Variants in AXIN2 observed in about 807,000 individuals in gnomAD.
The protein encoded by AXIN2 is axin 2.
A neutral mutation model predicts 74.7 loss-of-function variants in AXIN2; 21 were observed. The ratio of observed to expected loss-of-function variants is 0.28; its 90% confidence interval spans 0.20 to 0.40. The LOEUF (loss-of-function observed/expected upper bound fraction) is 0.40. AXIN2 is among the 10% of genes least tolerant of loss of function. AXIN2 has a pLI of 1.00. For missense variants in AXIN2, 1,144 were observed against 1,111.1 expected (o/e 1.03, Z -0.42); for synonymous variants, 532 against 454.9 (o/e 1.17, Z -2.16).
At chr17:65,550,478 TCTC>T (rs1213623421) in intron 2 of AXIN2, among the ~76,000 whole-genome samples, 3 of 152,074 alleles carry the variant, frequency 2.0e-5, no homozygotes, top group African/African-American at 7.2e-5. Flanking sequence ...AGTGTGCACA[TCTC>T]CTGCTGGGCC....
At chr17:65,538,172 G>T in intron 5 of AXIN2, 31 bp downstream of exon 5, 1 of 1,613,928 alleles carries the variant, frequency 6.2e-7, no homozygotes, top group Non-Finnish European at 8.5e-7. Context: ...CGCCGTGGAC[G>T]GAAGCAGGAA....
At position 65,538,667 on chromosome 17, in the gene AXIN2, C is replaced by CAAAAAAAAAAAAAAAAAAAAAAA. The variant is rs775428814; in HGVS notation, c.1060-347_1060-325dup. On this transcript the variant is annotated intron_variant, in intron 4 of 10. Coordinates refer to ENST00000307078, the MANE Select transcript of AXIN2 (RefSeq NM_004655.4). Reference sequence around the variant, plus strand: ...ATCTTCAAAGACTGTTGTCAACCATCAAAAAAAAAAAAAAAAAAAAAAAAA... The same window carrying CAAAAAAAAAAAAAAAAAAAAAAA: ...ATCTTCAAAGACTGTTGTCAACCATCAAAAAAAAAAAAAAAAAAAAAAAAAAAAAAAAAAAAAAAAAAAAAAAA... Among the ~76,000 whole-genome samples the CAAAAAAAAAAAAAAAAAAAAAAA allele has an allele frequency of 1.5e-3, 52 of 35,828 alleles. 26 individuals are homozygous for CAAAAAAAAAAAAAAAAAAAAAAA. Among genetic ancestry groups the CAAAAAAAAAAAAAAAAAAAAAAA allele is most frequent in the East Asian group, 6.4e-3 (6 of 944 alleles). The allele number at this position is 35,828 out of a possible 152,430, so 23.5% of individuals were successfully genotyped here.
At chr17:65,536,829 C>G (rs1044659084) in intron 7 of AXIN2, 40 bp downstream of exon 7, 2 of 1,611,522 alleles carry the variant, frequency 1.2e-6, no homozygotes, top group African/African-American at 2.7e-5. Flanking sequence ...ACTGAGTGCC[C>G]ATGACCCTCG....
chr17:65,552,334 T>TGGGGACAGGCTGTGAAATCACCC (rs1476120835), intron 2 of AXIN2, among the ~76,000 whole-genome samples: 1 of 152,076 alleles, frequency 6.6e-6, no homozygotes, highest in East Asian at 1.9e-4. Context: ...ATAAAGTAGG[T>TGGGGACAGGCTGTGAAATCACCC]GGGGACAGGC....
At position 65,533,908 on chromosome 17, in the gene AXIN2, T is replaced by C. The variant is rs377423720; in HGVS notation, c.2405+4A>G. On this transcript the variant is annotated splice_donor_region_variant and intron_variant, in intron 10 of 10. Transcript: ENST00000307078. ...AGAGCAGAAAAAAGCCACAGGACTC[T>C]TACCTATAATTTCCCTTTTTGCTGA... The C allele has an allele frequency of 9.9e-5, 156 of 1,581,852 alleles. No individual in the cohort carries two copies. The highest frequency in any genetic ancestry group is 1.3e-4 in the Non-Finnish European group (150 of 1,158,756).
At chr17:65,532,382 C>T (rs1384368314) in intron 10 of AXIN2, among the ~76,000 whole-genome samples, 1 of 152,226 alleles carries the variant, frequency 6.6e-6, no homozygotes, top group Non-Finnish European at 1.5e-5. Context: ...GAGGGACACA[C>T]TTGTGTCATT....
chr17:65,531,964 A>AT (rs1267846256), intron 10 of AXIN2, among the ~76,000 whole-genome samples: 1 of 151,978 alleles, frequency 6.6e-6, no homozygotes, highest in Non-Finnish European at 1.5e-5. Flanking sequence ...ATTTGTACAA[A>AT]TTGAGATGTT....
rs73346297 is a variant in AXIN2 at position 65,537,463 on chromosome 17, G to C, written c.1573C>G (p.Pro525Ala). 2,479 of 1,613,936 alleles carry C rather than the reference G, an allele frequency of 1.5e-3. 41 individuals carry two copies. The African/African-American group carries it at 0.029, about 19-fold the overall frequency. ...GCCTCGATCTCCTCCTTGGTCTTGGGGACGGCATGGTGGTGGATGTAGTGG... is the reference window on the plus strand; with the variant it reads ...GCCTCGATCTCCTCCTTGGTCTTGGCGACGGCATGGTGGTGGATGTAGTGG... ...HHHYIHHHAVPKTKEEIEAEA... is the reference protein window; with the variant it reads ...HHHYIHHHAVAKTKEEIEAEA... The change falls in exon 6 of 11, where the codon CCC (proline) becomes GCC (alanine). Residue 525 changes from proline to alanine, a missense_variant. Pro to Ala is a conservative substitution (Grantham distance 27). Transcript: ENST00000307078.
Position 65,529,496 on chromosome 17 carries a change from G to A in AXIN2, c.*480C>T, listed in dbSNP as rs2043781434. The A allele has an allele frequency of 3.3e-6, 1 of 306,440 alleles. No individual in the cohort carries two copies. Among genetic ancestry groups the A allele is most frequent in the South Asian group, 6.2e-5 (1 of 16,088 alleles). 19.0% of individuals were successfully genotyped at this position (306,440 alleles called of 1,614,324 possible). ...TGAAGAAACCATGAACGCACTCCTA[G>A]CTCAACTCCTAAGTTTAGTCAGAAC... On this transcript the variant is annotated 3_prime_UTR_variant, in exon 11 of 11. Coordinates refer to ENST00000307078, the MANE Select transcript of AXIN2 (RefSeq NM_004655.4).
In AXIN2 at chr17:65,528,742, T is replaced by C. The variant is rs749569951; in HGVS notation, c.*1234A>G. 4 of 502,546 alleles carry C rather than the reference T, an allele frequency of 8.0e-6. No individual in the cohort carries two copies. In the Admixed American group the frequency reaches 1.3e-4, roughly 16 times the overall value. The allele number at this position is 502,546 out of a possible 1,614,324, so 31.1% of individuals were successfully genotyped here. ...GTAATAAAAAGGCATAAAATATATTTATACATAAACCCCTTTCAAAAAACA... is the reference window on the plus strand; with the variant it reads ...GTAATAAAAAGGCATAAAATATATTCATACATAAACCCCTTTCAAAAAACA... On this transcript the variant is annotated 3_prime_UTR_variant, in exon 11 of 11. Transcript: ENST00000307078.
At chr17:65,555,780 C>A (rs2044258710) in intron 2 of AXIN2, among the ~76,000 whole-genome samples, 1 of 152,166 alleles carries the variant, frequency 6.6e-6, no homozygotes, top group African/African-American at 2.4e-5. Context: ...TTTCCATACA[C>A]TGTGCACACA....
chr17:65,551,830 A>T (rs927658576), intron 2 of AXIN2, among the ~76,000 whole-genome samples: 1 of 152,248 alleles, frequency 6.6e-6, no homozygotes, highest in African/African-American at 2.4e-5. Context: ...GAGGAGCCGG[A>T]CCACAGCTGT....
intron 1 of AXIN2, chr17:65,561,074 G>C (rs1357233075): frequency 6.7e-6 from 1 of 148,410 alleles, no homozygotes; most frequent in East Asian, 2.0e-4. Flanking sequence ...CAAAAGATCC[G>C]AGCGGGCCTC....
Position 65,557,914 on chromosome 17 carries a change from C to T in AXIN2, c.707G>A (p.Cys236Tyr), listed in dbSNP as rs1194128028. 6.2e-7 allele frequency: 1 copy of T among 1,614,212 alleles called. No homozygotes were observed. The highest frequency in any genetic ancestry group is 8.5e-7 in the Non-Finnish European group (1 of 1,180,024). Residue 236 changes from cysteine to tyrosine, a missense_variant, in exon 2 of 11, where the codon TGT becomes TAT. Coordinates refer to ENST00000307078, the MANE Select transcript of AXIN2 (RefSeq NM_004655.4). Reference protein sequence around the residue: ...PTLNEEEEWTCADFKCKLSPT... With the variant: ...PTLNEEEEWTYADFKCKLSPT... ...CGAAAGTTTGCACTTGAAGTCGGCACAAGTCCACTCCTCTTCTTCATTCAA... is the reference window on the plus strand; with the variant it reads ...CGAAAGTTTGCACTTGAAGTCGGCATAAGTCCACTCCTCTTCTTCATTCAA...
At chr17:65,537,197 C>A (rs895658663) in intron 6 of AXIN2, 127 bp downstream of exon 6, 13 of 1,540,960 alleles carry the variant, frequency 8.4e-6, no homozygotes, top group African/African-American at 5.4e-5. Flanking sequence ...CACCCTCACC[C>A]GGCCGTGCAC....
chr17:65,544,263 TAAG>T (rs1459827763), intron 3 of AXIN2, among the ~76,000 whole-genome samples: 1 of 148,276 alleles, frequency 6.7e-6, no homozygotes, highest in African/African-American at 2.5e-5. Flanking sequence ...TTCCATATAA[TAAG>T]GTTAAAAAAA....
intron 7 of AXIN2, 109 bp from the exon 8 acceptor site, chr17:65,536,662 A>T: frequency 2.4e-6 from 3 of 1,239,212 alleles, no homozygotes; most frequent in East Asian, 2.5e-5. Context: ...AGAGAGAGTT[A>T]AAAAAAAAAC....
At chr17:65,544,372 C>T (rs2044087320) in intron 3 of AXIN2, among the ~76,000 whole-genome samples, 1 of 143,204 alleles carries the variant, frequency 7.0e-6, no homozygotes, top group Non-Finnish European at 1.5e-5. Flanking sequence ...TCATACCCCG[C>T]CCCCCATCCC....
intron 2 of AXIN2, among the ~76,000 whole-genome samples, chr17:65,556,521 T>G (rs906543253): frequency 1.3e-5 from 2 of 152,142 alleles, no homozygotes; most frequent in African/African-American, 4.8e-5. Flanking sequence ...CTGGTTCCAC[T>G]TAGGTGTAGA....
Sources: allele counts gnomAD v4.1 joint callset (sites outside exome capture counted in the v4.1 genomes callset), GRCh38; gene constraint gnomAD v4.1.1; transcripts MANE v1.5; gene names NCBI Gene and HGNC (gene_info 2026-07-23, HGNC 2026-07-21).